The following FAM13A variants were observed in gnomAD, a reference collection of about 807,000 sequenced individuals.
The protein encoded by FAM13A is protein FAM13A.
Under a neutral mutation model 129.6 loss-of-function variants are expected in FAM13A, and 76 were observed. That is an observed-to-expected ratio of 0.59 (90% CI 0.49 to 0.71). The LOEUF is 0.71. Ranked by LOEUF, FAM13A falls within the 30% of genes least tolerant of loss-of-function variation. The probability of loss-of-function intolerance (pLI) is 0.00; values close to 1 mark genes in which losing one functional copy is unlikely to be tolerated. For synonymous variants in FAM13A, 443 were observed against 449.9 expected, an observed-to-expected ratio of 0.98 and a Z score of 0.20; for missense variants, 1,108 against 1,249.3, an observed-to-expected ratio of 0.89 and a Z score of 1.70.
At chr4:88,996,736 G>A (rs1475620315) in intron 3 of FAM13A, among the ~76,000 whole-genome samples, 1 of 151,662 alleles carries the variant, frequency 6.6e-6, no homozygotes, top group Non-Finnish European at 1.5e-5. Flanking sequence ...AAATGTAGTT[G>A]ATGTCTCCAG....
At chr4:88,865,314 T>C (rs927547053) in intron 6 of FAM13A, among the ~76,000 whole-genome samples, 3 of 152,202 alleles carry the variant, frequency 2.0e-5, no homozygotes, top group African/African-American at 7.2e-5. Flanking sequence ...AGCATAGTGT[T>C]GGTCAGTTAG....
At chr4:88,882,298 A>G (rs1743713418) in intron 6 of FAM13A, among the ~76,000 whole-genome samples, 1 of 152,196 alleles carries the variant, frequency 6.6e-6, no homozygotes, top group African/African-American at 2.4e-5. Context: ...CAGAATCCCT[A>G]CAAGCTAGAA....
At chr4:88,957,885 G>A (rs187546402) in intron 4 of FAM13A, among the ~76,000 whole-genome samples, 2 of 152,206 alleles carry the variant, frequency 1.3e-5, no homozygotes, top group Admixed American at 1.3e-4. Context: ...TTGAACTTTA[G>A]AGTGAAGATT....
chr4:88,919,022 G>A lies in FAM13A; in HGVS notation c.760-12560C>T, dbSNP rs1750569933. ...GAGAAATACATTTTGATTGTCTTAA[G>A]CCACCAAGGTTTTATAATCTTTTAC... On this transcript the variant is annotated intron_variant, in intron 5 of 23. Coordinates refer to ENST00000264344, the MANE Select transcript of FAM13A (RefSeq NM_014883.4). Among the ~76,000 whole-genome samples, 6 of 152,272 alleles carry A rather than the reference G, an allele frequency of 3.9e-5. No homozygotes were observed. The South Asian group carries it at 1.2e-3, about 32-fold the overall frequency.
At chr4:89,017,194 A>AT (rs879521015) in intron 3 of FAM13A, among the ~76,000 whole-genome samples, 50 of 151,780 alleles carry the variant, frequency 3.3e-4, no homozygotes, top group African/African-American at 9.2e-4. Context: ...CTTAACTGTA[A>AT]TTTTTTTTTA....
intron 11 of FAM13A, 48 bp from the exon 12 acceptor site, chr4:88,768,107 T>C (rs772024065): frequency 8.7e-6 from 9 of 1,028,670 alleles, no homozygotes; most frequent in African/African-American, 1.6e-5. Context: ...GTAAGAAATA[T>C]GCAACGCAGA....
intron 3 of FAM13A, 82 bp downstream of exon 3, chr4:89,020,378 A>G: frequency 1.0e-6 from 1 of 995,252 alleles, no homozygotes; most frequent in Admixed American, 2.2e-5. Flanking sequence ...CAGCCTCCCA[A>G]AGTGTTGGGA....
intron 6 of FAM13A, among the ~76,000 whole-genome samples, chr4:88,870,942 A>G (rs1038277180): frequency 6.6e-6 from 1 of 152,220 alleles, no homozygotes; most frequent in Non-Finnish European, 1.5e-5. Context: ...ATCAGGCAGC[A>G]ACATTTGCTG....
chr4:88,842,175 GA>G (rs1458938094), intron 7 of FAM13A, among the ~76,000 whole-genome samples: 1 of 152,178 alleles, frequency 6.6e-6, no homozygotes, highest in Admixed American at 6.5e-5. Flanking sequence ...CATACTATGT[GA>G]TTCTATTTAT....
chr4:89,031,818 C>T (rs962717042), intron 1 of FAM13A, among the ~76,000 whole-genome samples: 1 of 152,080 alleles, frequency 6.6e-6, no homozygotes, highest in Non-Finnish European at 1.5e-5. Flanking sequence ...TAAGTATGAC[C>T]TTTGAATGAA....
intron 8 of FAM13A, among the ~76,000 whole-genome samples, chr4:88,798,859 A>G (rs1242867391): frequency 1.3e-5 from 2 of 152,158 alleles, no homozygotes; most frequent in East Asian, 3.8e-4. Flanking sequence ...GAGGCAGGGA[A>G]ACTGAGGAAT....
At chr4:88,755,940 C>A (rs1047069083) in intron 14 of FAM13A, among the ~76,000 whole-genome samples, 1 of 152,250 alleles carries the variant, frequency 6.6e-6, no homozygotes, top group South Asian at 2.1e-4. Flanking sequence ...CAGGCGCATA[C>A]CACCATGCCC....
intron 3 of FAM13A, among the ~76,000 whole-genome samples, chr4:89,013,549 T>G (rs1452461928): frequency 6.6e-6 from 1 of 152,128 alleles, no homozygotes; most frequent in Non-Finnish European, 1.5e-5. Flanking sequence ...CATATATGAC[T>G]ATGGTCCTAT....
intron 14 of FAM13A, 128 bp downstream of exon 14, chr4:88,758,626 G>T: frequency 1.1e-6 from 1 of 929,694 alleles, no homozygotes; most frequent in East Asian, 2.5e-5. Flanking sequence ...TCGGTCATTT[G>T]GAAATGCAGT....
intron 19 of FAM13A, among the ~76,000 whole-genome samples, chr4:88,739,406 ACTC>A (rs902425053): frequency 1.3e-5 from 2 of 151,202 alleles, no homozygotes; most frequent in African/African-American, 4.9e-5. Context: ...CCTGCTTAAA[ACTC>A]CTCAAGGTTC....
intron 7 of FAM13A, 39 bp downstream of exon 7, chr4:88,850,981 A>G (rs768585829): frequency 3.7e-6 from 6 of 1,601,360 alleles, no homozygotes; most frequent in Non-Finnish European, 5.1e-6. Flanking sequence ...AGAGCGAATA[A>G]TGCAATATGG....
At chr4:88,988,426 GT>G (rs1762534859) in intron 4 of FAM13A, among the ~76,000 whole-genome samples, 1 of 152,188 alleles carries the variant, frequency 6.6e-6, no homozygotes, top group African/African-American at 2.4e-5. Context: ...GTATATTACG[GT>G]TATGTAGCAA....
chr4:88,809,321 G>A (rs891262913), intron 7 of FAM13A, among the ~76,000 whole-genome samples: 3 of 152,236 alleles, frequency 2.0e-5, no homozygotes, highest in Middle Eastern at 3.4e-3. Context: ...ATTGGTTAAT[G>A]TGGCTGGCTA....
chr4:88,802,891 CTTCCT>C (rs1003982521), intron 8 of FAM13A, among the ~76,000 whole-genome samples: 8 of 152,292 alleles, frequency 5.3e-5, no homozygotes, highest in African/African-American at 1.9e-4. Context: ...ATCTACCCTC[CTTCCT>C]TTGAGACTGG....
Sources: gnomAD v4.1 joint callset for allele counts (sites outside exome capture counted in the v4.1 genomes callset) on GRCh38, gnomAD v4.1.1 for gene constraint, MANE v1.5 for transcripts, NCBI Gene and HGNC (gene_info 2026-07-23, HGNC 2026-07-21) for gene names.